RABGEF1: variants seen among roughly 807,000 people sequenced by gnomAD.
RABGEF1 encodes the protein rab5 GDP/GTP exchange factor.
In RABGEF1, 26 loss-of-function variants were observed where a neutral mutation model predicts 57.3. That is an observed-to-expected ratio of 0.45 (90% confidence interval 0.33 to 0.63). RABGEF1 has a LOEUF of 0.63. RABGEF1 is among the 20% of genes least tolerant of loss of function. The probability of loss-of-function intolerance (pLI) is 0.02; values close to 1 mark genes in which losing one functional copy is unlikely to be tolerated. For synonymous variants in RABGEF1, 185 were observed against 210.7 expected (o/e 0.88, Z 1.06); for missense variants, 464 against 607.6 (o/e 0.76, Z 2.48).
chr7:66,803,338 G>GTA (rs1302690760), intron 7 of RABGEF1, among the ~76,000 whole-genome samples: 1 of 152,206 alleles, frequency 6.6e-6, no homozygotes, highest in East Asian at 1.9e-4. Flanking sequence ...GAACCCTTTG[G>GTA]TATACCCCAC....
intron 1 of RABGEF1, among the ~76,000 whole-genome samples, chr7:66,704,058 C>CA: frequency 6.6e-6 from 1 of 152,168 alleles, no homozygotes; most frequent in East Asian, 1.9e-4. Context: ...AGCTATTGCA[C>CA]ATAGAATGGC....
chr7:66,658,533 C>CAAAAAAAAAAAAAA, the RABGEF1 span, among the ~76,000 whole-genome samples: 1 of 75,562 alleles, frequency 1.3e-5, no homozygotes, highest in Non-Finnish European at 2.7e-5. Context: ...ACTTCGTCTC[C>CAAAAAAAAAAAAAA]AAAAAAAAAA....
At chr7:66,757,391 T>A (rs1803011756) in intron 1 of RABGEF1, among the ~76,000 whole-genome samples, 2 of 152,250 alleles carry the variant, frequency 1.3e-5, no homozygotes, top group African/African-American at 4.8e-5. Context: ...TTTCTCAGCA[T>A]TAATAGTGTT....
At chr7:66,692,247 A>C (rs1460224461) in intron 1 of RABGEF1, among the ~76,000 whole-genome samples, 5 of 152,214 alleles carry the variant, frequency 3.3e-5, no homozygotes, top group African/African-American at 1.2e-4. Context: ...CTGTTTCGGA[A>C]GGTCCCTTGG....
upstream of RABGEF1, among the ~76,000 whole-genome samples, chr7:66,681,108 T>C (rs1465853858): frequency 1.1e-4 from 17 of 151,950 alleles, no homozygotes; most frequent in Non-Finnish European, 2.5e-4. Context: ...GACTGAAAAA[T>C]TGGGCAACCT....
chr7:66,665,850 G>A, the RABGEF1 span, among the ~76,000 whole-genome samples: 1 of 152,160 alleles, frequency 6.6e-6, no homozygotes, highest in Non-Finnish European at 1.5e-5. Flanking sequence ...TTCTTGACAA[G>A]CTCCTAGCCA....
chr7:66,741,454 G>A (rs979669164), intron 1 of RABGEF1, among the ~76,000 whole-genome samples: 1 of 152,154 alleles, frequency 6.6e-6, no homozygotes, highest in African/African-American at 2.4e-5. Flanking sequence ...CATCACGGCA[G>A]TTTAGGGAGA....
chr7:66,797,146 C>T (rs1171639446), intron 5 of RABGEF1, among the ~76,000 whole-genome samples: 1 of 151,164 alleles, frequency 6.6e-6, no homozygotes, highest in African/African-American at 2.4e-5. Context: ...CAGAAAAAAC[C>T]TACAAAAATT....
chr7:66,755,810 A>G (rs1251487107), intron 1 of RABGEF1: 1 of 369,564 alleles, frequency 2.7e-6, no homozygotes, highest in Non-Finnish European at 4.9e-6. Flanking sequence ...TTCCTTGAGA[A>G]TGCTCCCCTG....
chr7:66,693,001 C>T (rs969381673), intron 1 of RABGEF1, among the ~76,000 whole-genome samples: 1 of 152,142 alleles, frequency 6.6e-6, no homozygotes, highest in Non-Finnish European at 1.5e-5. Flanking sequence ...TGCTGGGGAT[C>T]TTTTCTAGAG....
At chr7:66,752,408 C>A (rs187136535) in intron 1 of RABGEF1, among the ~76,000 whole-genome samples, 19 of 151,804 alleles carry the variant, frequency 1.3e-4, no homozygotes, top group African/African-American at 4.3e-4. Flanking sequence ...GCAGGAGAAT[C>A]ACTTGAAACC....
intron 2 of RABGEF1, chr7:66,773,742 T>G: frequency 2.2e-6 from 1 of 453,886 alleles, no homozygotes; most frequent in South Asian, 1.6e-5. Context: ...TTCAACTTAC[T>G]GCAACCTCTG....
chr7:66,718,948 A>G (rs1220122942), intron 2 of RABGEF1, among the ~76,000 whole-genome samples: 3 of 152,226 alleles, frequency 2.0e-5, no homozygotes, highest in Admixed American at 1.3e-4. Flanking sequence ...CTGCTCTGCC[A>G]CATACTTCTT....
intron 2 of RABGEF1, among the ~76,000 whole-genome samples, chr7:66,773,363 T>C (rs1220888050): frequency 6.6e-6 from 1 of 152,194 alleles, no homozygotes; most frequent in Non-Finnish European, 1.5e-5. Flanking sequence ...CTAGTACCTT[T>C]ATATTAACTT....
At chr7:66,789,130 T>C (rs1811946525) in intron 4 of RABGEF1, among the ~76,000 whole-genome samples, 2 of 152,210 alleles carry the variant, frequency 1.3e-5, no homozygotes, top group Admixed American at 6.5e-5. Flanking sequence ...TTAAAATGAC[T>C]CTATTGTTGT....
intron 4 of RABGEF1, among the ~76,000 whole-genome samples, chr7:66,788,566 A>G (rs767785903): frequency 2.0e-5 from 3 of 152,146 alleles, no homozygotes; most frequent in Non-Finnish European, 2.9e-5. Flanking sequence ...CAATCAATTC[A>G]GTTTCTAAAA....
At chr7:66,754,715 A>G (rs1802292050) in intron 1 of RABGEF1, among the ~76,000 whole-genome samples, 2 of 152,246 alleles carry the variant, frequency 1.3e-5, no homozygotes, top group Admixed American at 1.3e-4. Flanking sequence ...TGATTGCGCC[A>G]TCTAACAAAT....
intron 1 of RABGEF1, among the ~76,000 whole-genome samples, chr7:66,744,909 T>C (rs1221633539): frequency 6.6e-6 from 1 of 151,700 alleles, no homozygotes; most frequent in African/African-American, 2.4e-5. Context: ...AAAAATGTTA[T>C]CAGCCGCACA....
the RABGEF1 span, chr7:66,666,128 G>C: frequency 6.6e-6 from 1 of 152,496 alleles, no homozygotes; most frequent in Non-Finnish European, 1.5e-5. Context: ...CCTGGGGCGT[G>C]GGGGGCAGAA....
Sources: gnomAD v4.1 joint callset for allele counts (sites outside exome capture counted in the v4.1 genomes callset) on GRCh38, gnomAD v4.1.1 for gene constraint, MANE v1.5 for transcripts, NCBI Gene and HGNC (gene_info 2026-07-23, HGNC 2026-07-21) for gene names.